BRAF: variants seen among roughly 807,000 people sequenced by gnomAD.
BRAF encodes serine/threonine-protein kinase B-raf.
Under a neutral mutation model 104.6 loss-of-function variants are expected in BRAF, and 16 were observed. That is an observed-to-expected ratio of 0.15 (90% CI 0.10 to 0.23). The LOEUF (loss-of-function observed/expected upper bound fraction) is 0.23, where lower values mean the gene tolerates loss of function less well. Among genes scored for constraint, BRAF ranks in the 10% least tolerant of loss-of-function variants. The pLI, the probability that BRAF is intolerant of heterozygous loss-of-function variation, is 1.00. For synonymous variants in BRAF, 310 were observed against 341.6 expected (o/e 0.91, Z 1.02); for missense variants, 541 against 937.3 (o/e 0.58, Z 5.52).
At chr7:140,798,515 C>A (rs1234452749) in intron 7 of BRAF, among the ~76,000 whole-genome samples, 1 of 150,656 alleles carries the variant, frequency 6.6e-6, no homozygotes, top group African/African-American at 2.4e-5. Context: ...CTGCCTCGGC[C>A]TCCCAAAGTG....
At chr7:140,809,026 TA>T (rs1182205411) in intron 3 of BRAF, 31 bp from the exon 4 acceptor site, 2 of 1,541,124 alleles carry the variant, frequency 1.3e-6, no homozygotes, top group Admixed American at 3.3e-5. Flanking sequence ...TGATAAGAGG[TA>T]AAGGGAGCAA....
chr7:140,813,877 G>A (rs998668250), intron 3 of BRAF, among the ~76,000 whole-genome samples: 12 of 150,862 alleles, frequency 8.0e-5, no homozygotes, highest in Middle Eastern at 3.4e-3. Flanking sequence ...ACATGCATGC[G>A]GACGCATACA....
At position 140,859,923 on chromosome 7, in the gene BRAF, G is replaced by A. The variant is rs10270277; in HGVS notation, c.139-9711C>T. Among the ~76,000 whole-genome samples, 910 of 152,240 alleles carry A rather than the reference G, an allele frequency of 6.0e-3. 9 individuals are homozygous for A. Among genetic ancestry groups the A allele is most frequent in the African/African-American group, 0.021 (866 of 41,538 alleles). The stretch of plus-strand genomic sequence containing the variant: ...AGGATGGTCTTGATCTCTTGACCTC[G>A]TGATCCGTCCGCTTCAGCCTCCCAA... On this transcript the variant is annotated intron_variant, in intron 1 of 19. Transcript: ENST00000644969.
chr7:140,792,916 T>C (rs192010914), intron 8 of BRAF, among the ~76,000 whole-genome samples: 4 of 152,316 alleles, frequency 2.6e-5, no homozygotes, highest in Admixed American at 1.3e-4. Context: ...GAACAGATGA[T>C]GCTAGAAGTG....
intron 1 of BRAF, among the ~76,000 whole-genome samples, chr7:140,916,853 G>A (rs964465312): frequency 4.6e-4 from 70 of 152,278 alleles, no homozygotes; most frequent in African/African-American, 1.6e-3. Flanking sequence ...AAAAGTCAAA[G>A]TTCTAAAAAT....
At chr7:140,922,322 A>G (rs1189710460) in intron 1 of BRAF, among the ~76,000 whole-genome samples, 1 of 152,212 alleles carries the variant, frequency 6.6e-6, no homozygotes, top group Non-Finnish European at 1.5e-5. Flanking sequence ...GGAACTGCTC[A>G]AGACATGTGC....
intron 1 of BRAF, among the ~76,000 whole-genome samples, chr7:140,852,406 C>A (rs556052270): frequency 4.1e-4 from 59 of 145,660 alleles, no homozygotes; most frequent in African/African-American, 7.1e-4. Context: ...AAAAAAAAAA[C>A]CAAAAACCAA....
chr7:140,765,771 A>T (rs530628035), intron 14 of BRAF, among the ~76,000 whole-genome samples: 83 of 152,216 alleles, frequency 5.5e-4, no homozygotes, highest in African/African-American at 1.9e-3. Context: ...CACCAATTAG[A>T]ATGGCAATCA....
rs1562931344 is a variant in BRAF, at chr7:140,734,807, G to GAAAAAAAAAAA, written c.2248-38_2248-37insTTTTTTTTTTT. 70 of 871,054 alleles carry GAAAAAAAAAAA rather than the reference G, an allele frequency of 8.0e-5. 1 individual carries two copies. Among genetic ancestry groups the GAAAAAAAAAAA allele is most frequent in the Middle Eastern group, 3.8e-4 (1 of 2,642 alleles). 54.0% of individuals were successfully genotyped at this position (871,054 alleles called of 1,614,324 possible). A position where few individuals can be genotyped will look rare whatever the true frequency, so the allele number is the denominator to read the frequency against. On this transcript the variant is annotated intron_variant, in intron 18 of 19. Coordinates refer to ENST00000644969, the MANE Select transcript of BRAF (RefSeq NM_001374258.1). ...AAAAGAAAAAAAAAAGAAAAAAAAAGAAAAAAGAAAAAAAAAGAAAGAAAG... is the reference window on the plus strand; with the variant it reads ...AAAAGAAAAAAAAAAGAAAAAAAAAGAAAAAAAAAAAAAAAAAGAAAAAAAAAGAAAGAAAG...
At chr7:140,819,370 G>C (rs1246229105) in intron 3 of BRAF, among the ~76,000 whole-genome samples, 2 of 151,904 alleles carry the variant, frequency 1.3e-5, no homozygotes, top group Non-Finnish European at 2.9e-5. Context: ...TAATAAAAAA[G>C]ACAAATAATA....
At chr7:140,875,609 C>G (rs1334444123) in intron 1 of BRAF, among the ~76,000 whole-genome samples, 4 of 152,322 alleles carry the variant, frequency 2.6e-5, no homozygotes, top group African/African-American at 9.6e-5. Context: ...AACTCCCGAC[C>G]TCCGGTGATC....
intron 2 of BRAF, among the ~76,000 whole-genome samples, chr7:140,841,463 T>C (rs1193687636): frequency 2.6e-5 from 4 of 152,164 alleles, no homozygotes; most frequent in African/African-American, 4.8e-5. Context: ...GCATTATTCA[T>C]AATGGCAAAA....
chr7:140,773,748 G>T (rs1800064367), intron 14 of BRAF, among the ~76,000 whole-genome samples: 1 of 152,138 alleles, frequency 6.6e-6, no homozygotes, highest in African/African-American at 2.4e-5. Flanking sequence ...CAATTCCTGA[G>T]AATTGAGGAT....
At chr7:140,915,985 C>T (rs1436790342) in intron 1 of BRAF, among the ~76,000 whole-genome samples, 1 of 147,894 alleles carries the variant, frequency 6.8e-6, no homozygotes, top group Non-Finnish European at 1.5e-5. Flanking sequence ...CCAAAACAAA[C>T]AAACAAACAA....
chr7:140,790,588 C>G (rs1027739697), intron 8 of BRAF, among the ~76,000 whole-genome samples: 7 of 152,206 alleles, frequency 4.6e-5, no homozygotes, highest in Non-Finnish European at 1.0e-4. Context: ...AAGGCAAACA[C>G]TACTAGCCCC....
chr7:140,794,513 T>C (rs752085818), intron 7 of BRAF, 46 bp from the exon 8 acceptor site: 26 of 1,574,338 alleles, frequency 1.7e-5, no homozygotes, highest in Admixed American at 3.3e-5. Flanking sequence ...AGTAACGATA[T>C]AAAGGTAATA....
intron 6 of BRAF, 147 bp from the exon 7 acceptor site, chr7:140,800,628 G>T: frequency 1.5e-6 from 2 of 1,337,738 alleles, no homozygotes; most frequent in Non-Finnish European, 1.0e-6. Context: ...TTGTCTAAAG[G>T]CTTATTTTAA....
intron 14 of BRAF, among the ~76,000 whole-genome samples, chr7:140,765,283 T>G (rs1799193478): frequency 6.6e-6 from 1 of 152,046 alleles, no homozygotes; most frequent in South Asian, 2.1e-4. Context: ...CCTTACACCT[T>G]ATACAAAAAT....
chr7:140,862,070 C>A (rs573935571), intron 1 of BRAF, among the ~76,000 whole-genome samples: 1 of 152,154 alleles, frequency 6.6e-6, no homozygotes, highest in African/African-American at 2.4e-5. Flanking sequence ...GAAAAGAATC[C>A]TAGACCTATG....
Sources: gnomAD v4.1 joint callset for allele counts (sites outside exome capture counted in the v4.1 genomes callset) on GRCh38, gnomAD v4.1.1 for gene constraint, MANE v1.5 for transcripts, NCBI Gene and HGNC (gene_info 2026-07-23, HGNC 2026-07-21) for gene names.